BLMH: variants seen among roughly 807,000 people sequenced by gnomAD.
The protein encoded by BLMH is BLM hydrolase.
In BLMH, 32 loss-of-function variants were observed where a neutral mutation model predicts 61.6. That is an observed-to-expected ratio of 0.52 (90% CI 0.39 to 0.70). The LOEUF (loss-of-function observed/expected upper bound fraction) is 0.70, where lower values mean the gene tolerates loss of function less well. Ranked by LOEUF, BLMH falls within the 30% of genes least tolerant of loss-of-function variation. BLMH has a pLI of 0.00. For synonymous variants in BLMH, 183 were observed against 193.8 expected, an observed-to-expected ratio of 0.94 and a Z score of 0.46; for missense variants, 460 against 555.5, an observed-to-expected ratio of 0.83 and a Z score of 1.73.
chr17:30,260,012 C>A (rs1051578888), intron 11 of BLMH, among the ~76,000 whole-genome samples: 1 of 152,076 alleles, frequency 6.6e-6, no homozygotes, highest in African/African-American at 2.4e-5. Context: ...GTTCTCTTGC[C>A]GTCAGTCTAT....
chr17:30,262,802 C>G (rs1907996972), intron 11 of BLMH, among the ~76,000 whole-genome samples: 1 of 151,972 alleles, frequency 6.6e-6, no homozygotes, highest in African/African-American at 2.4e-5. Context: ...CTCAAAAAAG[C>G]AAAAACAAAA....
At chr17:30,282,996 C>T (rs1908632467) in intron 6 of BLMH, among the ~76,000 whole-genome samples, 1 of 152,110 alleles carries the variant, frequency 6.6e-6, no homozygotes, top group South Asian at 2.1e-4. Context: ...GAGACTGAAT[C>T]TCTACACAAT....
rs370429385 is a variant in BLMH at position 30,253,724 on chromosome 17, T to A, written c.1217-4556A>T. Among the ~76,000 whole-genome samples the A allele has an allele frequency of 7.1e-4, 108 of 152,302 alleles. 1 individual carries two copies. Among genetic ancestry groups the A allele is most frequent in the African/African-American group, 2.6e-3 (106 of 41,552 alleles). On this transcript the variant is annotated intron_variant, in intron 11 of 11. Transcript: ENST00000261714. The stretch of plus-strand genomic sequence containing the variant: ...AAACCTGCTCCAGGGATCCCAAGGT[T>A]ACACTGAGTGAAACACAGACAAATA...
chr17:30,276,608 CACT>C (rs1343962000), intron 6 of BLMH, among the ~76,000 whole-genome samples: 2 of 152,280 alleles, frequency 1.3e-5, no homozygotes, highest in East Asian at 1.9e-4. Flanking sequence ...ATTTGAAAAG[CACT>C]ACTTTTCTCA....
intron 7 of BLMH, 63 bp from the exon 8 acceptor site, chr17:30,272,962 T>C: frequency 6.5e-6 from 10 of 1,547,928 alleles, no homozygotes; most frequent in East Asian, 4.5e-5. Flanking sequence ...AACACACAGC[T>C]CTCCTCTAGG....
chr17:30,284,793 A>G (rs1331768465), intron 6 of BLMH, among the ~76,000 whole-genome samples: 2 of 152,132 alleles, frequency 1.3e-5, no homozygotes, highest in African/African-American at 4.8e-5. Flanking sequence ...TTAATTTGCT[A>G]CCCATCATAC....
At chr17:30,276,552 C>A (rs1169601189) in intron 6 of BLMH, among the ~76,000 whole-genome samples, 1 of 152,170 alleles carries the variant, frequency 6.6e-6, no homozygotes, top group Non-Finnish European at 1.5e-5. Context: ...CACAGATACA[C>A]CAGTTGATCT....
chr17:30,282,459 C>T (rs1215902476), intron 6 of BLMH, among the ~76,000 whole-genome samples: 3 of 152,122 alleles, frequency 2.0e-5, no homozygotes, highest in Non-Finnish European at 2.9e-5. Context: ...CTCAAGTGAT[C>T]CATCTGCCTT....
At chr17:30,276,494 A>G (rs1206461807) in intron 6 of BLMH, among the ~76,000 whole-genome samples, 2 of 152,232 alleles carry the variant, frequency 1.3e-5, no homozygotes, top group Non-Finnish European at 2.9e-5. Context: ...GAACCAGATC[A>G]TGGATATTTT....
chr17:30,249,379 G>T lies in BLMH; in HGVS notation c.1217-211C>A. The T allele has an allele frequency of 5.4e-6, 3 of 559,090 alleles. No individual in the cohort carries two copies. The South Asian group carries it at 6.4e-5, about 12-fold the overall frequency. The allele number at this position is 559,090 out of a possible 1,614,324, so 34.6% of individuals were successfully genotyped here. ...TATTTTTAGAAAAATTAGAAAACCG[G>T]GTCTTGAGTAACTAGGTGATGTGCC... On this transcript the variant is annotated intron_variant, in intron 11 of 11. Transcript: ENST00000261714.
At chr17:30,262,752 G>A (rs1377030486) in intron 11 of BLMH, among the ~76,000 whole-genome samples, 2 of 152,096 alleles carry the variant, frequency 1.3e-5, no homozygotes, top group Non-Finnish European at 2.9e-5. Context: ...CTGAGATCGC[G>A]CCACCGCACT....
At chr17:30,252,248 T>A (rs182771737) in intron 11 of BLMH, 2 of 152,174 alleles carry the variant, frequency 1.3e-5, no homozygotes, top group African/African-American at 4.8e-5. Context: ...TACTGGTAAG[T>A]CTAATTTTGT....
At chr17:30,284,378 T>C (rs1473806374) in intron 6 of BLMH, among the ~76,000 whole-genome samples, 1 of 152,154 alleles carries the variant, frequency 6.6e-6, no homozygotes, top group Non-Finnish European at 1.5e-5. Flanking sequence ...ACTCCACTGC[T>C]CCACTATGCT....
chr17:30,265,034 T>C (rs1908061828), intron 11 of BLMH, among the ~76,000 whole-genome samples: 2 of 152,216 alleles, frequency 1.3e-5, no homozygotes, highest in African/African-American at 4.8e-5. Context: ...TAATTCGTAG[T>C]AGTTAACTTA....
rs779999864 is a variant in BLMH, at chr17:30,291,374, G to T, written c.148C>A (p.Gln50Lys). The change falls in exon 2 of 12, where the codon CAG becomes AAG. Residue 50 changes from glutamine (Q) to lysine (K), a missense_variant. Around this residue, in one of 5 missense-constraint regions of BLMH, gnomAD observed 86 missense variants for 84.5 expected, o/e 1.02. Coordinates refer to ENST00000261714, the MANE Select transcript of BLMH (RefSeq NM_000386.4). ...GGCACGGCGTGCTGGAACACATGCTGCGCGCGCTGCACCGTGGCCCGCTTC... is the reference window on the plus strand; with the variant it reads ...GGCACGGCGTGCTGGAACACATGCTTCGCGCGCTGCACCGTGGCCCGCTTC... ...CLKRATVQRA[Q>K]HVFQHAVPQE... 1 of 1,613,660 alleles carries T rather than the reference G, an allele frequency of 6.2e-7. No individual in the cohort carries two copies. Among genetic ancestry groups the T allele is most frequent in the Non-Finnish European group, 8.5e-7 (1 of 1,180,022 alleles).
chr17:30,258,522 G>C (rs1236044839), intron 11 of BLMH, among the ~76,000 whole-genome samples: 1 of 152,104 alleles, frequency 6.6e-6, no homozygotes, highest in African/African-American at 2.4e-5. Flanking sequence ...GGTTGTTTTG[G>C]CTTGTGGTTT....
intron 6 of BLMH, among the ~76,000 whole-genome samples, chr17:30,275,563 A>G (rs1019698449): frequency 1.3e-5 from 2 of 150,760 alleles, no homozygotes; most frequent in African/African-American, 4.9e-5. Flanking sequence ...GTATGTACCT[A>G]TAATCCCAGC....
intron 7 of BLMH, chr17:30,273,707 G>T (rs1259266751): frequency 2.0e-5 from 6 of 305,256 alleles, no homozygotes; most frequent in African/African-American, 4.5e-5. Flanking sequence ...GTGCAAAAGT[G>T]CTCTGAATCC....
In BLMH at chr17:30,256,830, A is replaced by G. The variant is rs145081618; in HGVS notation, c.1217-7662T>C. Among the ~76,000 whole-genome samples, 50 of 152,330 alleles carry G rather than the reference A, an allele frequency of 3.3e-4. 1 individual carries two copies. Among genetic ancestry groups the G allele is most frequent in the African/African-American group, 1.0e-3 (43 of 41,580 alleles). On this transcript the variant is annotated intron_variant, in intron 11 of 11. Coordinates refer to ENST00000261714, the MANE Select transcript of BLMH (RefSeq NM_000386.4). Reference sequence around the variant, plus strand: ...CACTAAGGCCTTGGCATAGTCCCCAACTATGAAACAGATAATTTCAACAGA... The same window carrying G: ...CACTAAGGCCTTGGCATAGTCCCCAGCTATGAAACAGATAATTTCAACAGA...
Sources: allele counts gnomAD v4.1 joint callset (sites outside exome capture counted in the v4.1 genomes callset), GRCh38; gene constraint gnomAD v4.1.1; regional missense constraint gnomAD v4.1.1; transcripts MANE v1.5; gene names NCBI Gene and HGNC (gene_info 2026-07-23, HGNC 2026-07-21).